Variants in TNIK observed in about 807,000 individuals in gnomAD.
TNIK encodes TRAF2 and NCK interacting kinase, also known as TRAF2 and NCK-interacting protein kinase.
Under a neutral mutation model 191.3 loss-of-function variants are expected in TNIK, and 49 were observed. The observed-to-expected ratio is 0.26, with a 90% CI of 0.20 to 0.32. TNIK has a LOEUF of 0.32. Among genes scored for constraint, TNIK ranks in the 10% least tolerant of loss-of-function variants. TNIK has a pLI of 1.00. For missense variants in TNIK, 1,155 were observed against 1,702.3 expected (o/e 0.68, Z 5.66); for synonymous variants, 594 against 600.9 (o/e 0.99, Z 0.17).
At chr3:171,424,212 G>A (rs1194024222) in intron 1 of TNIK, among the ~76,000 whole-genome samples, 7 of 152,182 alleles carry the variant, frequency 4.6e-5, no homozygotes, top group Non-Finnish European at 8.8e-5. Flanking sequence ...CATTTATGCA[G>A]CCAAAAGACA....
At chr3:171,282,984 G>A (rs758944940) in intron 2 of TNIK, among the ~76,000 whole-genome samples, 1 of 152,128 alleles carries the variant, frequency 6.6e-6, no homozygotes, top group Non-Finnish European at 1.5e-5. Flanking sequence ...TGCACAATCA[G>A]AGTGGAACCT....
At chr3:171,080,499 T>C (rs953247660) in intron 27 of TNIK, among the ~76,000 whole-genome samples, 4 of 152,074 alleles carry the variant, frequency 2.6e-5, no homozygotes, top group Non-Finnish European at 5.9e-5. Flanking sequence ...TCCAGTGGCA[T>C]GATCTCGGCT....
At chr3:171,386,502 T>C (rs945161447) in intron 1 of TNIK, among the ~76,000 whole-genome samples, 3 of 152,148 alleles carry the variant, frequency 2.0e-5, no homozygotes, top group Non-Finnish European at 4.4e-5. Flanking sequence ...ATCTCTAGGG[T>C]TTCCAGTTTC....
At chr3:171,308,248 C>G (rs1468113586) in intron 2 of TNIK, among the ~76,000 whole-genome samples, 1 of 152,002 alleles carries the variant, frequency 6.6e-6, no homozygotes, top group Non-Finnish European at 1.5e-5. Flanking sequence ...TGAAACAGAA[C>G]AGAGAACCCA....
intron 15 of TNIK, among the ~76,000 whole-genome samples, chr3:171,135,619 T>G (rs572990338): frequency 6.6e-6 from 1 of 152,160 alleles, no homozygotes; most frequent in African/African-American, 2.4e-5. Flanking sequence ...CCAAAGAATG[T>G]TCCCATATAT....
chr3:171,103,892 A>G (rs1724082760), intron 21 of TNIK, among the ~76,000 whole-genome samples: 1 of 152,096 alleles, frequency 6.6e-6, no homozygotes, highest in Non-Finnish European at 1.5e-5. Flanking sequence ...TATTTAGTCC[A>G]CAGGCTACTG....
chr3:171,428,747 T>G (rs1560062533), intron 1 of TNIK, among the ~76,000 whole-genome samples: 1 of 152,084 alleles, frequency 6.6e-6, no homozygotes, highest in Non-Finnish European at 1.5e-5. Context: ...CATTATTACC[T>G]CCTTCCTCAA....
intron 2 of TNIK, among the ~76,000 whole-genome samples, chr3:171,362,993 C>T (rs1345922368): frequency 1.3e-5 from 2 of 152,170 alleles, no homozygotes; most frequent in Non-Finnish European, 2.9e-5. Flanking sequence ...TCACCATCCC[C>T]ACTTGCACCT....
intron 2 of TNIK, among the ~76,000 whole-genome samples, chr3:171,249,467 G>A (rs1745988582): frequency 6.6e-6 from 1 of 152,178 alleles, no homozygotes; most frequent in South Asian, 2.1e-4. Flanking sequence ...CAACTTAAGG[G>A]GGCTGGAGGG....
chr3:171,286,746 A>T (rs1751052152), intron 2 of TNIK, among the ~76,000 whole-genome samples: 1 of 152,212 alleles, frequency 6.6e-6, no homozygotes, highest in Non-Finnish European at 1.5e-5. Flanking sequence ...CTCAATCAAC[A>T]TTACCTGATA....
chr3:171,143,155 T>C (rs1219186398), intron 12 of TNIK, among the ~76,000 whole-genome samples: 6 of 152,230 alleles, frequency 3.9e-5, no homozygotes, highest in Admixed American at 2.6e-4. Flanking sequence ...TGGAGGCATC[T>C]GCCAGGGCTT....
chr3:171,350,595 T>TAAAAAAAA (rs71178208), intron 2 of TNIK, among the ~76,000 whole-genome samples: 49 of 97,996 alleles, frequency 5.0e-4, no homozygotes, highest in African/African-American at 1.9e-3. Flanking sequence ...GCTCTGTTGC[T>TAAAAAAAA]AAAAAAAAAA....
chr3:171,147,859 G>T (rs1170763864), intron 12 of TNIK, among the ~76,000 whole-genome samples: 1 of 152,124 alleles, frequency 6.6e-6, no homozygotes, highest in African/African-American at 2.4e-5. Flanking sequence ...CTCTTGCCAT[G>T]CTGCCTCATT....
chr3:171,172,570 G>C (rs530099734), intron 9 of TNIK, among the ~76,000 whole-genome samples: 4 of 152,198 alleles, frequency 2.6e-5, no homozygotes, highest in Non-Finnish European at 1.5e-5. Context: ...TGGTGGAATT[G>C]TATTGCAGAG....
intron 2 of TNIK, among the ~76,000 whole-genome samples, chr3:171,260,862 G>C (rs1747518293): frequency 6.6e-6 from 1 of 152,112 alleles, no homozygotes; most frequent in Non-Finnish European, 1.5e-5. Context: ...AAAGCTAGTT[G>C]TTTAAAGCTA....
At chr3:171,298,524 T>G (rs927971360) in intron 2 of TNIK, among the ~76,000 whole-genome samples, 5 of 152,336 alleles carry the variant, frequency 3.3e-5, no homozygotes, top group East Asian at 3.9e-4. Context: ...CAGAAGTGAT[T>G]TGTGTCCCTT....
intron 2 of TNIK, among the ~76,000 whole-genome samples, chr3:171,272,891 T>C (rs909499635): frequency 6.6e-6 from 1 of 152,220 alleles, no homozygotes; most frequent in Admixed American, 6.5e-5. Flanking sequence ...AGGTCAGGTT[T>C]CCCTGATTGT....
At chr3:171,116,628 A>G (rs1726741763) in intron 18 of TNIK, among the ~76,000 whole-genome samples, 1 of 152,252 alleles carries the variant, frequency 6.6e-6, no homozygotes, top group Admixed American at 6.5e-5. Context: ...ATGAGTCATA[A>G]GAAAATAGGT....
intron 2 of TNIK, among the ~76,000 whole-genome samples, chr3:171,307,554 T>A (rs893943156): frequency 2.0e-5 from 3 of 152,230 alleles, no homozygotes; most frequent in Non-Finnish European, 4.4e-5. Flanking sequence ...TGAGTTTTCT[T>A]ACTTTTTTAC....
Sources: gnomAD v4.1 joint callset for allele counts (sites outside exome capture counted in the v4.1 genomes callset) on GRCh38, gnomAD v4.1.1 for gene constraint, MANE v1.5 for transcripts, NCBI Gene and HGNC (gene_info 2026-07-23, HGNC 2026-07-21) for gene names.